Variants in SNX29 observed in about 807,000 individuals in gnomAD.
The protein encoded by SNX29 is sorting nexin 29, also known as sorting nexin-29.
SNX29 carries 78 observed loss-of-function variants against 102.1 expected under a neutral mutation model. That is an observed-to-expected ratio of 0.76 (90% confidence interval 0.64 to 0.92). The LOEUF is 0.92. Ranked by LOEUF, SNX29 falls within the 40% of genes least tolerant of loss-of-function variation. The pLI is 0.00. For missense variants in SNX29, 1,280 were observed against 1,061.7 expected (o/e 1.21, Z -2.86); for synonymous variants, 580 against 414.5 (o/e 1.40, Z -4.85).
intron 18 of SNX29, chr16:12,443,109 G>C: frequency 2.3e-6 from 1 of 440,566 alleles, no homozygotes; most frequent in Admixed American, 2.6e-5. Flanking sequence ...GTGTGTCAGA[G>C]GAAGATGGAG....
chr16:12,328,278 C>G (rs2081183964), intron 15 of SNX29, among the ~76,000 whole-genome samples: 1 of 152,194 alleles, frequency 6.6e-6, no homozygotes, highest in South Asian at 2.1e-4. Flanking sequence ...ATGTTTCTAG[C>G]TTGTTGATAT....
chr16:12,398,607 C>G, intron 17 of SNX29, 106 bp downstream of exon 17: 1 of 1,296,020 alleles, frequency 7.7e-7, no homozygotes, highest in South Asian at 1.2e-5. Context: ...CTGTTGAGAC[C>G]CACACAAGGT....
At chr16:12,270,323 G>T (rs1028164565) in intron 14 of SNX29, among the ~76,000 whole-genome samples, 1 of 152,212 alleles carries the variant, frequency 6.6e-6, no homozygotes, top group African/African-American at 2.4e-5. Context: ...TTATTGGGGG[G>T]ATGTGCAAAG....
rs570206669 is a variant in SNX29 at position 12,535,308 on chromosome 16, T to C, written c.2318+10467T>C. Among the ~76,000 whole-genome samples the C allele has an allele frequency of 2.0e-5, 3 of 152,242 alleles. No individual in the cohort carries two copies. The East Asian group carries it at 5.8e-4, about 29-fold the overall frequency. On this transcript the variant is annotated intron_variant, in intron 20 of 20. Transcript: ENST00000566228. ...CATGTGCCACCATGCCCAGCTAATT[T>C]TTGTATTTTTAGTAGAGATGAGGTT...
Position 12,164,680 on chromosome 16 carries a change from C to CTTT in SNX29, c.1596-34902_1596-34900dup, listed in dbSNP as rs34046413. ...TTCATATAAGTGTGTTTATTCATGC[C>CTTT]TTTTTTTTTTTTTTTTTTTTTGAGA... On this transcript the variant is annotated intron_variant, in intron 13 of 20. Transcript: ENST00000566228. Among the ~76,000 whole-genome samples the CTTT allele has an allele frequency of 8.3e-3, 749 of 90,546 alleles. 35 individuals are homozygous for CTTT. The highest frequency in any genetic ancestry group is 0.034 in the African/African-American group (675 of 19,726). The allele number at this position is 90,546 out of a possible 152,430, so 59.4% of individuals were successfully genotyped here. A position where few individuals can be genotyped will look rare whatever the true frequency, so the allele number is the denominator to read the frequency against.
chr16:12,553,624 C>G (rs2078133795), intron 20 of SNX29, among the ~76,000 whole-genome samples: 1 of 130,922 alleles, frequency 7.6e-6, no homozygotes, highest in Admixed American at 9.2e-5. Flanking sequence ...GAATTTTGTG[C>G]TTGTTGCCCA....
At chr16:12,505,776 A>AAAAAT (rs1555556302) in intron 19 of SNX29, among the ~76,000 whole-genome samples, 1 of 150,838 alleles carries the variant, frequency 6.6e-6, no homozygotes, top group Non-Finnish European at 1.5e-5. Flanking sequence ...AAAAAAAAAA[A>AAAAAT]AAAAAAAGGC....
chr16:12,393,764 A>G (rs1356525864), intron 16 of SNX29, among the ~76,000 whole-genome samples: 1 of 152,244 alleles, frequency 6.6e-6, no homozygotes, highest in Non-Finnish European at 1.5e-5. Context: ...TGCTTCGCAG[A>G]TTGTTTGAAG....
intron 2 of SNX29, among the ~76,000 whole-genome samples, chr16:12,000,688 G>A (rs974971391): frequency 3.9e-5 from 6 of 151,990 alleles, no homozygotes; most frequent in Non-Finnish European, 5.9e-5. Flanking sequence ...CACATGTGCC[G>A]GGGTGTACGT....
chr16:12,090,539 G>A (rs1275070870), intron 11 of SNX29, among the ~76,000 whole-genome samples: 1 of 152,116 alleles, frequency 6.6e-6, no homozygotes, highest in Non-Finnish European at 1.5e-5. Context: ...GCTCCCCAAG[G>A]GTTCAAGTGC....
rs113738271 is a variant in SNX29 at position 12,012,356 on chromosome 16, C to T, written c.122+9313C>T. On this transcript the variant is annotated intron_variant, in intron 3 of 20. Transcript: ENST00000566228. Reference sequence around the variant, plus strand: ...AGTTGGAAAGTCAGCAGGTTCTTCTCTGCTATCACAGGGAAGTATTGGAAT... The same window carrying T: ...AGTTGGAAAGTCAGCAGGTTCTTCTTTGCTATCACAGGGAAGTATTGGAAT... 8.9e-3 allele frequency among the ~76,000 whole-genome samples: 1,361 copies of T among 152,228 alleles called. 31 individuals are homozygous for T. Among genetic ancestry groups the T allele is most frequent in the African/African-American group, 0.031 (1,284 of 41,500 alleles).
Position 12,235,233 on chromosome 16 carries a change from A to G in SNX29, c.1678+35550A>G, listed in dbSNP as rs147793733. On this transcript the variant is annotated intron_variant, in intron 14 of 20. Transcript: ENST00000566228. ...TCTGTCCCTGGTGTTCAGTAAGTTT[A>G]GAGAAGAAATGCACAAACTATTGAG... Among the ~76,000 whole-genome samples the G allele has an allele frequency of 1.6e-3, 240 of 152,166 alleles. 1 individual carries two copies. Among genetic ancestry groups the G allele is most frequent in the African/African-American group, 5.5e-3 (227 of 41,510 alleles).
intron 14 of SNX29, among the ~76,000 whole-genome samples, chr16:12,210,213 C>G (rs565827280): frequency 2.0e-4 from 30 of 152,156 alleles, no homozygotes; most frequent in Non-Finnish European, 4.1e-4. Flanking sequence ...TGTCACAGTG[C>G]TGCTGGGGTC....
intron 13 of SNX29, among the ~76,000 whole-genome samples, chr16:12,184,442 C>G (rs2076464468): frequency 1.3e-5 from 2 of 152,174 alleles, no homozygotes; most frequent in South Asian, 4.2e-4. Flanking sequence ...TGAGGAACAG[C>G]CTTGTTACAA....
At chr16:12,077,850 A>T (rs186249761) in intron 10 of SNX29, among the ~76,000 whole-genome samples, 67 of 151,898 alleles carry the variant, frequency 4.4e-4, no homozygotes, top group Admixed American at 1.7e-3. Context: ...CGAACTCCTG[A>T]CCTCATGTGA....
intron 7 of SNX29, among the ~76,000 whole-genome samples, chr16:12,050,171 C>T (rs995388299): frequency 6.6e-6 from 1 of 152,144 alleles, no homozygotes; most frequent in African/African-American, 2.4e-5. Context: ...GTAGAAGTTC[C>T]ACCCATTTTT....
rs572245091 is a variant in SNX29, at chr16:12,399,468, G to A, written c.1955+967G>A. Among the ~76,000 whole-genome samples, 23 of 152,314 alleles carry A rather than the reference G, an allele frequency of 1.5e-4. No homozygotes were observed. The South Asian group carries it at 1.9e-3, about 12-fold the overall frequency. On this transcript the variant is annotated intron_variant, in intron 17 of 20. Coordinates refer to ENST00000566228, the MANE Select transcript of SNX29 (RefSeq NM_032167.5). ...CTGGCGAGTTTAAGGTTCAGCACCCGTTGGGAAGAAAAGCCCGGGAAAAGT... is the reference window on the plus strand; with the variant it reads ...CTGGCGAGTTTAAGGTTCAGCACCCATTGGGAAGAAAAGCCCGGGAAAAGT...
chr16:12,477,571 T>C (rs2087713397), intron 18 of SNX29, 148 bp from the exon 19 acceptor site: 1 of 889,242 alleles, frequency 1.1e-6, no homozygotes, highest in Admixed American at 3.0e-5. Context: ...AATAAATCCC[T>C]GCTCTATGCC....
chr16:12,066,929 G>A (rs897176896), intron 9 of SNX29, among the ~76,000 whole-genome samples: 1 of 151,796 alleles, frequency 6.6e-6, no homozygotes, highest in Non-Finnish European at 1.5e-5. Context: ...AGGATTGCTT[G>A]AGGCCAGGAG....
Sources: gnomAD v4.1 joint callset for allele counts (sites outside exome capture counted in the v4.1 genomes callset) on GRCh38, gnomAD v4.1.1 for gene constraint, MANE v1.5 for transcripts, NCBI Gene and HGNC (gene_info 2026-07-23, HGNC 2026-07-21) for gene names.